The following OPCML variants were observed in gnomAD, a reference collection of about 807,000 sequenced individuals.
The protein encoded by OPCML is opioid binding protein/cell adhesion molecule like.
A neutral mutation model predicts 37.8 loss-of-function variants in OPCML; 13 were observed. The ratio of observed to expected loss-of-function variants is 0.34; its 90% CI spans 0.22 to 0.55. OPCML has a LOEUF of 0.55. Among genes scored for constraint, OPCML ranks in the 20% least tolerant of loss-of-function variants. The probability of loss-of-function intolerance (pLI) is 0.91; values close to 1 mark genes in which losing one functional copy is unlikely to be tolerated. For synonymous variants in OPCML, 176 were observed against 168.8 expected (o/e 1.04, Z -0.33); for missense variants, 341 against 435.6 (o/e 0.78, Z 1.93).
At chr11:133,482,741 C>T (rs11223484) in intron 1 of OPCML, among the ~76,000 whole-genome samples, 6,017 of 151,916 alleles carry the variant, frequency 0.04, 148 homozygotes, top group South Asian at 0.085. Flanking sequence ...AAAAATAAAG[C>T]TTGTTATCTA....
intron 1 of OPCML, among the ~76,000 whole-genome samples, chr11:133,094,015 G>C (rs1948957926): frequency 6.6e-6 from 1 of 152,116 alleles, no homozygotes; most frequent in Non-Finnish European, 1.5e-5. Flanking sequence ...TGTCATCTGA[G>C]TGCTAAAAAT....
chr11:132,442,125 A>G (rs1277048931), intron 4 of OPCML, among the ~76,000 whole-genome samples: 1 of 152,176 alleles, frequency 6.6e-6, no homozygotes, highest in African/African-American at 2.4e-5. Flanking sequence ...CAATATGGAA[A>G]ACAAGGATCT....
chr11:133,319,137 T>A (rs1040666288), intron 1 of OPCML, among the ~76,000 whole-genome samples: 1 of 152,242 alleles, frequency 6.6e-6, no homozygotes, highest in Non-Finnish European at 1.5e-5. Context: ...TCTAAGATGA[T>A]AAGATTTTTA....
chr11:132,834,107 G>A (rs1940871049), intron 2 of OPCML, among the ~76,000 whole-genome samples: 1 of 152,132 alleles, frequency 6.6e-6, no homozygotes, highest in Non-Finnish European at 1.5e-5. Flanking sequence ...CTCCTTTTCT[G>A]AGAAGTTGGC....
chr11:132,859,156 T>C (rs1331566222), intron 2 of OPCML: 1 of 152,182 alleles, frequency 6.6e-6, no homozygotes, highest in Admixed American at 6.6e-5. Flanking sequence ...ATCATAGTGA[T>C]GATGATGATG....
chr11:132,995,363 A>T (rs1328179498), intron 1 of OPCML, among the ~76,000 whole-genome samples: 1 of 152,158 alleles, frequency 6.6e-6, no homozygotes, highest in Non-Finnish European at 1.5e-5. Flanking sequence ...TCATAGAAGG[A>T]GTAGTAGTGA....
At chr11:132,666,299 GGCAAGAGAGGGA>G (rs1212442375) in intron 2 of OPCML, among the ~76,000 whole-genome samples, 2 of 152,142 alleles carry the variant, frequency 1.3e-5, no homozygotes, top group Non-Finnish European at 2.9e-5. Flanking sequence ...GGTATCACAT[GGCAAGAGAGGGA>G]GCAAGAAAGA....
intron 1 of OPCML, among the ~76,000 whole-genome samples, chr11:133,191,536 T>A (rs556850538): frequency 6.6e-6 from 1 of 151,122 alleles, no homozygotes; most frequent in East Asian, 1.9e-4. Context: ...TGTGTGTGTG[T>A]GACGGAGTTT....
chr11:133,206,654 G>A lies in OPCML; in HGVS notation c.62-263644C>T, dbSNP rs899494713. Among the ~76,000 whole-genome samples the A allele has an allele frequency of 6.6e-6, 1 of 152,180 alleles. No homozygotes were observed. Among genetic ancestry groups the A allele is most frequent in the Non-Finnish European group, 1.5e-5 (1 of 68,036 alleles). On this transcript the variant is annotated intron_variant, in intron 1 of 7. Transcript: ENST00000524381. This position sits in a 1 kb window ranked among gnomAD's most constrained non-coding sequence, Gnocchi z 4.7. ...GTCACCCTGAGAGATCACTAGGGCC[G>A]AGCAAAGGCTGTGCTCTCCTGCTCG... is the stretch of plus-strand genomic sequence containing the variant.
intron 1 of OPCML, among the ~76,000 whole-genome samples, chr11:133,315,677 A>G (rs982976985): frequency 2.0e-5 from 3 of 152,150 alleles, no homozygotes; most frequent in Non-Finnish European, 4.4e-5. Flanking sequence ...ACGTGCTTGT[A>G]GTTCCAGCTA....
chr11:133,458,478 A>ATATACACATATATACACGTGTGTGTG (rs1946754847), intron 1 of OPCML, among the ~76,000 whole-genome samples: 1 of 128,098 alleles, frequency 7.8e-6, no homozygotes, highest in East Asian at 2.2e-4. Context: ...ACGTGTGTGT[A>ATATACACATATATACACGTGTGTGTG]TATACACATA....
intron 3 of OPCML, among the ~76,000 whole-genome samples, chr11:132,597,795 A>G (rs1591603418): frequency 6.6e-6 from 1 of 152,230 alleles, no homozygotes; most frequent in Non-Finnish European, 1.5e-5. Flanking sequence ...GATAAAATAT[A>G]TAAGGATAAA....
At chr11:132,994,463 G>T (rs537354767) in intron 1 of OPCML, among the ~76,000 whole-genome samples, 1 of 152,150 alleles carries the variant, frequency 6.6e-6, no homozygotes, top group African/African-American at 2.4e-5. Context: ...CAGGCGCCTC[G>T]TGGGTACCAG....
intron 1 of OPCML, among the ~76,000 whole-genome samples, chr11:133,445,505 G>A (rs938041309): frequency 7.9e-5 from 12 of 152,144 alleles, no homozygotes; most frequent in Non-Finnish European, 4.4e-5. Flanking sequence ...CCCAGGCAAC[G>A]TGTTTCCTGG....
At chr11:132,714,743 T>C (rs1428967237) in intron 2 of OPCML, among the ~76,000 whole-genome samples, 1 of 152,156 alleles carries the variant, frequency 6.6e-6, no homozygotes, top group African/African-American at 2.4e-5. Context: ...GAAATACATA[T>C]CTTTTCAAGG....
intron 1 of OPCML, among the ~76,000 whole-genome samples, chr11:133,254,667 A>G (rs1377360133): frequency 6.6e-6 from 1 of 152,154 alleles, no homozygotes; most frequent in East Asian, 1.9e-4. Context: ...ATTTATGCCT[A>G]AATTGTGTTG....
intron 1 of OPCML, among the ~76,000 whole-genome samples, chr11:133,189,641 G>C (rs1938223384): frequency 1.3e-5 from 2 of 152,126 alleles, no homozygotes; most frequent in Non-Finnish European, 2.9e-5. Flanking sequence ...AAGAGGTTGT[G>C]GCCAGGTTTC....
intron 1 of OPCML, among the ~76,000 whole-genome samples, chr11:133,225,514 G>A (rs949365043): frequency 2.0e-5 from 3 of 152,158 alleles, no homozygotes; most frequent in Admixed American, 6.5e-5. Flanking sequence ...AATTAACACG[G>A]GAAAGTGCTT....
chr11:133,483,310 G>GATAGATAGA lies in OPCML; in HGVS notation c.61+48953_61+48954insTCTATCTAT, dbSNP rs1565659150. Among the ~76,000 whole-genome samples the GATAGATAGA allele has an allele frequency of 1.3e-3, 104 of 81,150 alleles. 1 individual carries two copies. Among genetic ancestry groups the GATAGATAGA allele is most frequent in the African/African-American group, 7.9e-3 (82 of 10,380 alleles). The allele number at this position is 81,150 out of a possible 152,430, so 53.2% of individuals were successfully genotyped here. A position where few individuals can be genotyped will look rare whatever the true frequency, so the allele number is the denominator to read the frequency against. On this transcript the variant is annotated intron_variant, in intron 1 of 7. Coordinates refer to ENST00000524381, the MANE Select transcript of OPCML (RefSeq NM_001012393.5). ...AATGCGCACTAGAGCTGATAGATAG[G>GATAGATAGA]CAGATAGATAGATAGATAGATAGAT...
Sources: allele counts gnomAD v4.1 joint callset (sites outside exome capture counted in the v4.1 genomes callset), GRCh38; gene constraint gnomAD v4.1.1; non-coding constraint Gnocchi (gnomAD v3.1); transcripts MANE v1.5; gene names NCBI Gene and HGNC (gene_info 2026-07-23, HGNC 2026-07-21).